Variants in ARL16 observed in about 807,000 individuals in gnomAD.
The protein encoded by ARL16 is ADP-ribosylation factor-like protein 16.
Under a neutral mutation model 14.1 loss-of-function variants are expected in ARL16, and 21 were observed. The observed-to-expected ratio is 1.48, with a 90% confidence interval of 1.05 to 2.14. ARL16 has a LOEUF of 2.14. ARL16 is among the 30% of genes most tolerant of loss of function. ARL16 has a pLI of 0.00. For synonymous variants in ARL16, 122 were observed against 91.8 expected (o/e 1.33, Z -1.88); for missense variants, 248 against 222.0 (o/e 1.12, Z -0.74).
Position 81,681,709 on chromosome 17 carries a change from C to T in ARL16, c.521G>A (p.Ter174=). ...GCCAGCTGCGCCTCTGCCGTGCAGT[C>T]AATCGTTGGCTCTGTGGGTGGCCTG... ...WLQATHRAND[*] The change falls in exon 5 of 5, where the codon TGA becomes TAA. Residue 174 remains the stop codon, a stop_retained_variant. Transcript: ENST00000622299. The T allele has an allele frequency of 6.2e-7, 1 of 1,601,436 alleles. No homozygotes were observed. The highest frequency in any genetic ancestry group is 8.5e-7 in the Non-Finnish European group (1 of 1,174,968).
chr17:81,683,274 G>T, intron 2 of ARL16, 148 bp from the exon 3 acceptor site: 2 of 848,438 alleles, frequency 2.4e-6, no homozygotes, highest in African/African-American at 1.7e-5. Flanking sequence ...AGGGACCGAC[G>T]CCCATCAGTA....
chr17:81,683,730 C>T lies in ARL16; in HGVS notation c.24G>A (p.Thr8=), dbSNP rs369417256. The change falls in exon 1 of 5, where the codon ACG becomes ACA. Residue 8 remains threonine, a synonymous_variant. Transcript: ENST00000622299. ...TCACCAGCAGCGTCTTCCCGACGCC[C>T]GTGGCCCCCAGCAGGAGACACATTC... MCLLLGA[T]GVGKTLLVKR... is the part of the protein sequence containing the mutation. The T allele has an allele frequency of 1.2e-6, 2 of 1,607,706 alleles. No homozygotes were observed. The highest frequency in any genetic ancestry group is 1.3e-5 in the African/African-American group (1 of 75,004).
In ARL16 at chr17:81,682,045, G is replaced by A; in HGVS notation, c.339C>T (p.Leu113=). 1.2e-6 allele frequency: 2 copies of A among 1,610,060 alleles called. No individual in the cohort carries two copies. The highest frequency in any genetic ancestry group is 1.7e-6 in the Non-Finnish European group (2 of 1,178,200). ...TCAGGGACGCGTACATTTTATTGAA[G>A]AGTATCAGCACCGATGCTTCTGCAA... ...EQLAEASVLI[L]FNKIDLPCYM... The change falls in exon 4 of 5, where the codon CTC becomes CTT. Residue 113 remains leucine (L), a synonymous_variant. Coordinates refer to ENST00000622299, the MANE Select transcript of ARL16 (RefSeq NM_001040025.3).
Position 81,682,105 on chromosome 17 carries a change from A to C in ARL16, c.279T>G (p.Cys93Trp). The C allele has an allele frequency of 6.2e-7, 1 of 1,613,110 alleles. No homozygotes were observed. The highest frequency in any genetic ancestry group is 8.5e-7 in the Non-Finnish European group (1 of 1,179,604). The part of the protein sequence containing the change: ...ASDPTQLSAS[C>W]VQLLGLLSAE... ...CAGAAAGGAGACCTAAGAGCTGCAC[A>C]CAGGATGCAGAGAGCTGGGTGGGGT... Residue 93 changes from cysteine (C) to tryptophan (W), a missense_variant, in exon 4 of 5, where the codon TGT (cysteine) becomes TGG (tryptophan). By Grantham distance (215) the Cys-to-Trp change is radical. Transcript: ENST00000622299.
intron 4 of ARL16, 75 bp downstream of exon 4, chr17:81,681,959 C>A: frequency 2.6e-6 from 4 of 1,559,608 alleles, no homozygotes; most frequent in Non-Finnish European, 3.5e-6. Context: ...ACCTCCCTAC[C>A]GAGCCATGCT....
At chr17:81,683,645 C>G (rs8080624) in intron 1 of ARL16, 48 bp downstream of exon 1, 355,881 of 1,589,436 alleles carry the variant, frequency 0.22, 41,422 homozygotes, top group African/African-American at 0.37. Flanking sequence ...CCCCGCCCCA[C>G]TCCGGGTGCC....
intron 3 of ARL16, 23 bp downstream of exon 3, chr17:81,682,990 G>A (rs1244154770): frequency 4.4e-6 from 7 of 1,582,172 alleles, no homozygotes; most frequent in African/African-American, 4.0e-5. Flanking sequence ...CCTAAAGGAA[G>A]CCCATATAGG....
In ARL16 at chr17:81,683,103, G is replaced by C. The variant is rs1313315884; in HGVS notation, c.144C>G (p.Ile48Met). The C allele has an allele frequency of 2.5e-6, 4 of 1,610,414 alleles. No homozygotes were observed. The highest frequency in any genetic ancestry group is 3.4e-6 in the Non-Finnish European group (4 of 1,178,786). The change falls in exon 3 of 5, where the codon ATC becomes ATG. Residue 48 changes from isoleucine to methionine, a missense_variant. Coordinates refer to ENST00000622299, the MANE Select transcript of ARL16 (RefSeq NM_001040025.3). ...RPTVGTNLTD[I>M]VAQRKITIRE... ...GGATGGTGATCTTTCTCTGTGCCAC[G>C]ATGTCAGTAAGATTGGTGCCCACCT...
Position 81,683,716 on chromosome 17 carries a change from G to T in ARL16, c.38C>A (p.Thr13Lys). ...LLLGATGVGK[T>K]LLVKRLQEVS... ...ATCCTGCAGCCGTTTCACCAGCAGC[G>T]TCTTCCCGACGCCCGTGGCCCCCAG... The change falls in exon 1 of 5, where the codon ACG (threonine) becomes AAG (lysine). Residue 13 changes from threonine to lysine, a missense_variant. By Grantham distance (78) the Thr-to-Lys change is moderately conservative (BLOSUM62 -1). Coordinates refer to ENST00000622299, the MANE Select transcript of ARL16 (RefSeq NM_001040025.3). The T allele has an allele frequency of 6.2e-7, 1 of 1,607,252 alleles. No homozygotes were observed. Among genetic ancestry groups the T allele is most frequent in the Non-Finnish European group, 8.5e-7 (1 of 1,178,024 alleles).
At chr17:81,681,928 C>T (rs752106887) in intron 4 of ARL16, 49 bp from the exon 5 acceptor site, 1 of 1,577,138 alleles carries the variant, frequency 6.3e-7, no homozygotes, top group Non-Finnish European at 8.6e-7. Flanking sequence ...CACACACCTG[C>T]CCCGGACCCC....
In ARL16 at chr17:81,682,043, A is replaced by C; in HGVS notation, c.341T>G (p.Phe114Cys). Residue 114 changes from phenylalanine (F) to cysteine (C), a missense_variant, in exon 4 of 5, where the codon TTC (phenylalanine) becomes TGC (cysteine). Transcript: ENST00000622299. ...QLAEASVLIL[F>C]NKIDLPCYMS... ...GCTCAGGGACGCGTACATTTTATTG[A>C]AGAGTATCAGCACCGATGCTTCTGC... is the stretch of plus-strand genomic sequence containing the variant. 2 of 1,609,620 alleles carry C rather than the reference A, an allele frequency of 1.2e-6. No homozygotes were observed. The highest frequency in any genetic ancestry group is 1.7e-6 in the Non-Finnish European group (2 of 1,177,998).
Position 81,681,203 on chromosome 17 carries a change from T to A in ARL16, c.*505A>T, listed in dbSNP as rs2036837375. 1 of 153,338 alleles carries A rather than the reference T, an allele frequency of 6.5e-6. No homozygotes were observed. The highest frequency in any genetic ancestry group is 1.5e-5 in the Non-Finnish European group (1 of 68,912). The allele number at this position is 153,338 out of a possible 1,614,324, so 9.5% of individuals were successfully genotyped here. A position where few individuals can be genotyped will look rare whatever the true frequency, so the allele number is the denominator to read the frequency against. On this transcript the variant is annotated 3_prime_UTR_variant, in exon 5 of 5. Coordinates refer to ENST00000622299, the MANE Select transcript of ARL16 (RefSeq NM_001040025.3). ...GTCTGGGGACAGGTTTTTATTTTTT[T>A]ATTTCTTATATTTTTTAAGACGGAG...
At position 81,681,500 on chromosome 17, in the gene ARL16, C is replaced by G; in HGVS notation, c.*208G>C. ...ACAGGTGTGAGCCACCATGCCTAGC[C>G]CCTGGGGACACTTTTTTCAGAGGCC... On this transcript the variant is annotated 3_prime_UTR_variant, in exon 5 of 5. Transcript: ENST00000622299. 1 of 613,136 alleles carries G rather than the reference C, an allele frequency of 1.6e-6. No homozygotes were observed. The highest frequency in any genetic ancestry group is 2.2e-5 in the South Asian group (1 of 46,338). The allele number at this position is 613,136 out of a possible 1,614,324, so 38.0% of individuals were successfully genotyped here.
At position 81,683,746 on chromosome 17, in the gene ARL16, A is replaced by C. The variant is rs543953971; in HGVS notation, c.8T>G (p.Leu3Arg). The change falls in exon 1 of 5, where the codon CTC becomes CGC. Residue 3 changes from leucine (L) to arginine (R), a missense_variant. By Grantham distance (102) the Leu-to-Arg change is moderately radical (BLOSUM62 -2). Transcript: ENST00000622299. ...CCCGACGCCCGTGGCCCCCAGCAGG[A>C]GACACATTCCGTGCTTCGCTCCACC... is the stretch of plus-strand genomic sequence containing the variant. MC[L>R]LLGATGVGKT... 6.2e-6 allele frequency: 10 copies of C among 1,608,238 alleles called. No individual in the cohort carries two copies. The highest frequency in any genetic ancestry group is 2.2e-5 in the East Asian group (1 of 44,806).
At position 81,683,789 on chromosome 17, in the gene ARL16, C is replaced by T. The variant is rs762321709; in HGVS notation, c.-36G>A. On this transcript the variant is annotated 5_prime_UTR_variant, in exon 1 of 5. Coordinates refer to ENST00000622299, the MANE Select transcript of ARL16 (RefSeq NM_001040025.3). ...GCTCCACCCGGCACCCGTAGCTCGG[C>T]GCCGCGGCTCAAGGCCCGCCCACCG... The T allele has an allele frequency of 5.0e-6, 8 of 1,605,562 alleles. No individual in the cohort carries two copies. Among genetic ancestry groups the T allele is most frequent in the Non-Finnish European group, 6.8e-6 (8 of 1,179,536 alleles).
intron 3 of ARL16, chr17:81,682,734 C>T: frequency 2.1e-6 from 1 of 477,446 alleles, no homozygotes; most frequent in Non-Finnish European, 3.7e-6. Context: ...ACAGACGTAC[C>T]GGGGAGTGAC....
rs370007887 is a variant in ARL16, at chr17:81,683,688, G to A, written c.61+5C>T. Reference sequence around the variant, plus strand: ...CCCCGGTCCCGTCCCCGCGCGGAAGGATATCCTGCAGCCGTTTCACCAGCA... The same window carrying A: ...CCCCGGTCCCGTCCCCGCGCGGAAGAATATCCTGCAGCCGTTTCACCAGCA... On this transcript the variant is annotated splice_donor_5th_base_variant and intron_variant, in intron 1 of 4. Coordinates refer to ENST00000622299, the MANE Select transcript of ARL16 (RefSeq NM_001040025.3). The A allele has an allele frequency of 5.3e-4, 843 of 1,603,194 alleles. 1 individual carries two copies. The highest frequency in any genetic ancestry group is 5.7e-4 in the Non-Finnish European group (676 of 1,176,066).
chr17:81,682,560 AG>A (rs2036869490), intron 3 of ARL16: 2 of 186,016 alleles, frequency 1.1e-5, no homozygotes, highest in South Asian at 2.1e-4. Context: ...CTTTAAACAA[AG>A]CTTTGGGAAC....
In ARL16 at chr17:81,681,538, C is replaced by A; in HGVS notation, c.*170G>T. 1 of 831,748 alleles carries A rather than the reference C, an allele frequency of 1.2e-6. No individual in the cohort carries two copies. Among genetic ancestry groups the A allele is most frequent in the South Asian group, 1.9e-5 (1 of 52,146 alleles). 51.5% of individuals were successfully genotyped at this position (831,748 alleles called of 1,614,324 possible). ...TTTTTCAGAGGCCAGATGTCAACTT[C>A]CATCTCCACATGCCTCAGTTTACAC... On this transcript the variant is annotated 3_prime_UTR_variant, in exon 5 of 5. Transcript: ENST00000622299.
Sources: gnomAD v4.1 joint callset for allele counts on GRCh38, gnomAD v4.1.1 for gene constraint, MANE v1.5 for transcripts, NCBI Gene and HGNC (gene_info 2026-07-23, HGNC 2026-07-21) for gene names.